The following RGL1 variants were observed in gnomAD, a reference collection of about 807,000 sequenced individuals.
RGL1 encodes ral guanine nucleotide dissociation stimulator-like 1.
In RGL1, 24 loss-of-function variants were observed where a neutral mutation model predicts 95.2. That is an observed-to-expected ratio of 0.25 (90% CI 0.18 to 0.35). RGL1 has a LOEUF of 0.35. Ranked by LOEUF, RGL1 falls within the 10% of genes least tolerant of loss-of-function variation. RGL1 has a pLI of 1.00. For synonymous variants in RGL1, 329 were observed against 344.9 expected (o/e 0.95, Z 0.51); for missense variants, 715 against 936.3 (o/e 0.76, Z 3.08).
chr1:183,789,661 C>T (rs1660350537), intron 2 of RGL1, among the ~76,000 whole-genome samples: 3 of 152,082 alleles, frequency 2.0e-5, no homozygotes, highest in African/African-American at 4.8e-5. Context: ...GCTCCTTTAC[C>T]TCTACTGATT....
chr1:183,882,795 A>T (rs1371963547), intron 5 of RGL1, among the ~76,000 whole-genome samples: 1 of 152,234 alleles, frequency 6.6e-6, no homozygotes, highest in Non-Finnish European at 1.5e-5. Context: ...AGCCACTGTG[A>T]CTTAATCCAA....
intron 2 of RGL1, among the ~76,000 whole-genome samples, chr1:183,742,827 T>G (rs2102259909): frequency 6.6e-6 from 1 of 152,126 alleles, no homozygotes; most frequent in South Asian, 2.1e-4. Context: ...TATTATGCGT[T>G]TGAGGTAAAA....
chr1:183,917,936 G>C (rs1297877294), intron 16 of RGL1, among the ~76,000 whole-genome samples: 1 of 152,184 alleles, frequency 6.6e-6, no homozygotes, highest in Non-Finnish European at 1.5e-5. Context: ...TTAGGAAGCT[G>C]CTATCATGTT....
intron 1 of RGL1, among the ~76,000 whole-genome samples, chr1:183,678,635 C>G (rs1371143362): frequency 6.6e-6 from 1 of 151,406 alleles, no homozygotes; most frequent in Non-Finnish European, 1.5e-5. Context: ...CAGGGTCTTC[C>G]TCTGTCGCCA....
At chr1:183,731,435 A>G (rs984744155) in intron 1 of RGL1, among the ~76,000 whole-genome samples, 2 of 152,166 alleles carry the variant, frequency 1.3e-5, no homozygotes, top group African/African-American at 4.8e-5. Flanking sequence ...AAAATAGAAT[A>G]TGAAGGGAGG....
intron 12 of RGL1, 127 bp downstream of exon 12, chr1:183,902,727 C>T: frequency 1.2e-6 from 1 of 807,250 alleles, no homozygotes; most frequent in African/African-American, 1.7e-5. Flanking sequence ...TATCATATAC[C>T]ATTTTGCTTG....
At chr1:183,693,683 C>A (rs571369558) in intron 1 of RGL1, among the ~76,000 whole-genome samples, 1 of 151,814 alleles carries the variant, frequency 6.6e-6, no homozygotes, top group African/African-American at 2.4e-5. Flanking sequence ...GACAGTTGAG[C>A]CAGAATAAAA....
intron 2 of RGL1, among the ~76,000 whole-genome samples, chr1:183,757,248 A>C (rs2102297984): frequency 6.6e-6 from 1 of 152,340 alleles, no homozygotes; most frequent in Middle Eastern, 3.4e-3. Context: ...TCACATTGTA[A>C]AATCACATTC....
At chr1:183,718,344 A>T (rs1655769009) in intron 1 of RGL1, among the ~76,000 whole-genome samples, 1 of 152,244 alleles carries the variant, frequency 6.6e-6, no homozygotes, top group South Asian at 2.1e-4. Flanking sequence ...ATACATTTAA[A>T]GGAATGACAT....
At chr1:183,879,180 G>A (rs143472841) in intron 4 of RGL1, among the ~76,000 whole-genome samples, 1,778 of 152,018 alleles carry the variant, frequency 0.012, 31 homozygotes, top group African/African-American at 0.04. Context: ...AGTTCCAAAT[G>A]CTTTAACGTT....
intron 1 of RGL1, among the ~76,000 whole-genome samples, chr1:183,730,094 C>T (rs552609775): frequency 1.3e-5 from 2 of 152,248 alleles, no homozygotes; most frequent in South Asian, 2.1e-4. Flanking sequence ...ATACCCTTAA[C>T]ATGAGATATG....
At chr1:183,897,614 T>C (rs766546864) in intron 9 of RGL1, among the ~76,000 whole-genome samples, 194 bp from the exon 10 acceptor site, 1 of 151,684 alleles carries the variant, frequency 6.6e-6, no homozygotes, top group Non-Finnish European at 1.5e-5. Context: ...TCGTTATAAA[T>C]AGGCAACTTG....
At chr1:183,872,908 A>G (rs571545448) in intron 4 of RGL1, among the ~76,000 whole-genome samples, 1 of 152,370 alleles carries the variant, frequency 6.6e-6, no homozygotes, top group East Asian at 1.9e-4. Context: ...ATTAAAAGTT[A>G]TAATGTGAAA....
intron 1 of RGL1, among the ~76,000 whole-genome samples, chr1:183,660,154 A>G (rs1006999847): frequency 4.6e-5 from 7 of 152,300 alleles, no homozygotes; most frequent in African/African-American, 7.2e-5. Context: ...ATCAACTAAC[A>G]AGCAAAATAA....
intron 2 of RGL1, among the ~76,000 whole-genome samples, chr1:183,819,047 T>A (rs1266226739): frequency 6.6e-6 from 1 of 152,208 alleles, no homozygotes; most frequent in Non-Finnish European, 1.5e-5. Context: ...TAGGTTTGAG[T>A]CATGGGTCAA....
At chr1:183,902,626 C>T in intron 12 of RGL1, 26 bp downstream of exon 12, 1 of 1,604,760 alleles carries the variant, frequency 6.2e-7, no homozygotes, top group Non-Finnish European at 8.5e-7. Flanking sequence ...GGCTGTGTTT[C>T]CTTTGTCTGA....
chr1:183,718,248 A>C (rs76240642), intron 1 of RGL1, among the ~76,000 whole-genome samples: 1 of 150,054 alleles, frequency 6.7e-6, no homozygotes, highest in African/African-American at 2.4e-5. Context: ...AAAAAAAAAA[A>C]AGAGAGAGAG....
At chr1:183,802,694 A>G (rs1661066823), upstream of RGL1, among the ~76,000 whole-genome samples, 1 of 152,198 alleles carries the variant, frequency 6.6e-6, no homozygotes, top group East Asian at 1.9e-4. Flanking sequence ...TACTAACAAC[A>G]AACAATCTAA....
chr1:183,852,824 C>G (rs561077332), intron 3 of RGL1, among the ~76,000 whole-genome samples: 1 of 152,130 alleles, frequency 6.6e-6, no homozygotes, highest in East Asian at 1.9e-4. Flanking sequence ...TCTGTTCTCT[C>G]CACCATACCA....
Sources: allele counts gnomAD v4.1 joint callset (sites outside exome capture counted in the v4.1 genomes callset), GRCh38; gene constraint gnomAD v4.1.1; transcripts MANE v1.5; gene names NCBI Gene and HGNC (gene_info 2026-07-23, HGNC 2026-07-21).